The following PHF24 variants were observed in gnomAD, a reference collection of about 807,000 sequenced individuals.
PHF24 encodes the protein Galpha inhibitory interacting protein.
PHF24 carries 25 observed loss-of-function variants against 42.6 expected under a neutral mutation model. That is an observed-to-expected ratio of 0.59 (90% CI 0.43 to 0.82). The LOEUF (loss-of-function observed/expected upper bound fraction) is 0.82, where lower values mean the gene tolerates loss of function less well. Ranked by LOEUF, PHF24 falls within the 40% of genes least tolerant of loss-of-function variation. PHF24 has a pLI of 0.00. For synonymous variants in PHF24, 185 were observed against 204.8 expected, an observed-to-expected ratio of 0.90 and a Z score of 0.83; for missense variants, 470 against 538.1, an observed-to-expected ratio of 0.87 and a Z score of 1.25.
the PHF24 span, among the ~76,000 whole-genome samples, chr9:34,916,041 T>G: frequency 6.6e-6 from 1 of 152,186 alleles, no homozygotes; most frequent in African/African-American, 2.4e-5. Context: ...TGCTTCCCTG[T>G]GAAGAGGTGC....
the PHF24 span, among the ~76,000 whole-genome samples, chr9:34,841,909 C>T: frequency 6.6e-6 from 1 of 152,240 alleles, no homozygotes; most frequent in African/African-American, 2.4e-5. Context: ...TTTGTATATA[C>T]TTGTGAAACC....
At chr9:34,900,520 G>T in the PHF24 span, among the ~76,000 whole-genome samples, 1 of 152,158 alleles carries the variant, frequency 6.6e-6, no homozygotes, top group East Asian at 1.9e-4. Context: ...GATTGCTTGA[G>T]CCTGGGAGGT....
chr9:34,875,535 T>A, the PHF24 span, among the ~76,000 whole-genome samples: 10 of 152,188 alleles, frequency 6.6e-5, no homozygotes, highest in African/African-American at 2.4e-4. Flanking sequence ...GTTACAGATC[T>A]ATAAACATTT....
the PHF24 span, among the ~76,000 whole-genome samples, chr9:34,673,308 C>G: frequency 8.2e-5 from 12 of 147,100 alleles, no homozygotes; most frequent in Non-Finnish European, 1.8e-4. Flanking sequence ...GAGCCGAGAT[C>G]GTGCCACTGC....
chr9:34,953,076 G>C (rs574065032), upstream of PHF24, among the ~76,000 whole-genome samples: 41 of 152,346 alleles, frequency 2.7e-4, 2 homozygotes, highest in Admixed American at 2.5e-3. The surrounding 1 kb of genome is among the most constrained non-coding windows in gnomAD (Gnocchi z 4.1). Flanking sequence ...AGAGTTCTCA[G>C]ATGTGACACT....
At chr9:34,943,221 G>A in the PHF24 span, among the ~76,000 whole-genome samples, 7 of 152,242 alleles carry the variant, frequency 4.6e-5, no homozygotes, top group South Asian at 8.3e-4. Context: ...CTCTGAGTCC[G>A]CTTGCTAGGG....
At chr9:34,935,173 G>A in the PHF24 span, among the ~76,000 whole-genome samples, 5 of 152,206 alleles carry the variant, frequency 3.3e-5, no homozygotes, top group Non-Finnish European at 5.9e-5. Flanking sequence ...TGGAGGACAT[G>A]TAAGATGTGG....
the PHF24 span, among the ~76,000 whole-genome samples, chr9:34,780,290 CTTTTTTTCT>C: frequency 1.1e-4 from 12 of 113,952 alleles, no homozygotes; most frequent in Non-Finnish European, 1.8e-4. Context: ...TCTTTTTTTT[CTTTTTTTCT>C]TTTTTTTTTT....
At chr9:34,886,271 A>C in the PHF24 span, among the ~76,000 whole-genome samples, 1 of 144,188 alleles carries the variant, frequency 6.9e-6, no homozygotes, top group African/African-American at 2.6e-5. Context: ...AAAAAAAAAA[A>C]CTCCTTCTGG....
At chr9:34,967,797 C>G (rs1251924401) in intron 1 of PHF24, among the ~76,000 whole-genome samples, 2 of 152,176 alleles carry the variant, frequency 1.3e-5, no homozygotes, top group African/African-American at 2.4e-5. Flanking sequence ...CATCCCCACC[C>G]CACCCTGGCT....
chr9:34,764,763 C>T, the PHF24 span, among the ~76,000 whole-genome samples: 3 of 152,084 alleles, frequency 2.0e-5, no homozygotes, highest in South Asian at 6.2e-4. Context: ...TTTGCTCTTG[C>T]TTTTTCTAGT....
chr9:34,666,370 C>T, the PHF24 span, among the ~76,000 whole-genome samples: 2 of 152,082 alleles, frequency 1.3e-5, no homozygotes, highest in South Asian at 4.2e-4. Context: ...TGCCGAGTGC[C>T]TCTCTTGCCT....
chr9:34,789,068 C>T, the PHF24 span, among the ~76,000 whole-genome samples: 2 of 152,120 alleles, frequency 1.3e-5, no homozygotes, highest in Non-Finnish European at 2.9e-5. Context: ...GCACGCAGAC[C>T]AACTAACAGT....
At chr9:34,934,850 T>C in the PHF24 span, among the ~76,000 whole-genome samples, 1 of 152,190 alleles carries the variant, frequency 6.6e-6, no homozygotes, top group East Asian at 1.9e-4. Flanking sequence ...CAATTCAACA[T>C]GTATATACTG....
the PHF24 span, chr9:34,917,085 C>T: frequency 4.1e-6 from 3 of 726,668 alleles, no homozygotes; most frequent in South Asian, 2.8e-5. Context: ...GTGAGCAGCA[C>T]AGAGGCCTCC....
At chr9:34,687,062 G>T in the PHF24 span, among the ~76,000 whole-genome samples, 1 of 151,742 alleles carries the variant, frequency 6.6e-6, no homozygotes, top group Non-Finnish European at 1.5e-5. Context: ...ATGGTTGGGG[G>T]GTGGGAAAAA....
chr9:34,936,481 C>T, the PHF24 span, among the ~76,000 whole-genome samples: 37 of 151,868 alleles, frequency 2.4e-4, no homozygotes, highest in African/African-American at 6.8e-4. Context: ...AGCCTCTGCC[C>T]GGCCGCCACC....
the PHF24 span, among the ~76,000 whole-genome samples, chr9:34,940,707 G>A: frequency 2.0e-5 from 3 of 152,200 alleles, no homozygotes; most frequent in Non-Finnish European, 2.9e-5. Flanking sequence ...TCATGCCGTT[G>A]GTAATCACAT....
chr9:34,781,274 A>G, the PHF24 span, among the ~76,000 whole-genome samples: 3 of 152,260 alleles, frequency 2.0e-5, no homozygotes, highest in African/African-American at 7.2e-5. Context: ...ATATAGATAT[A>G]ATAAAATATC....
Sources: gnomAD v4.1 joint callset for allele counts (sites outside exome capture counted in the v4.1 genomes callset) on GRCh38, gnomAD v4.1.1 for gene constraint, Gnocchi (gnomAD v3.1) non-coding constraint, MANE v1.5 for transcripts, NCBI Gene and HGNC (gene_info 2026-07-23, HGNC 2026-07-21) for gene names.